Variants in ARFGAP1 observed in about 807,000 individuals in gnomAD.
ARFGAP1 encodes ARF GTPase activating protein 1.
A neutral mutation model predicts 54.0 loss-of-function variants in ARFGAP1; 26 were observed. That is an observed-to-expected ratio of 0.48 (90% confidence interval 0.35 to 0.67). The LOEUF (loss-of-function observed/expected upper bound fraction) is 0.67, where lower values mean the gene tolerates loss of function less well. Among genes scored for constraint, ARFGAP1 ranks in the 30% least tolerant of loss-of-function variants. The pLI is 0.00. For missense variants in ARFGAP1, 525 were observed against 535.8 expected, an observed-to-expected ratio of 0.98 and a Z score of 0.20; for synonymous variants, 248 against 211.9, an observed-to-expected ratio of 1.17 and a Z score of -1.48.
chr20:63,282,133 A>T (rs2067400350), intron 8 of ARFGAP1, among the ~76,000 whole-genome samples: 1 of 151,760 alleles, frequency 6.6e-6, no homozygotes, highest in African/African-American at 2.4e-5. Flanking sequence ...CCCTGTGGTC[A>T]CTCTGGCCCC....
At chr20:63,283,801 C>G in intron 9 of ARFGAP1, 1 of 1,607,826 alleles carries the variant, frequency 6.2e-7, no homozygotes, top group Middle Eastern at 1.7e-4. Flanking sequence ...TTACTAATGC[C>G]GCCCCTCACC....
Position 63,281,240 on chromosome 20 carries a change from G to A in ARFGAP1, c.628-51G>A, listed in dbSNP as rs6011718. On this transcript the variant is annotated intron_variant, in intron 7 of 12. Transcript: ENST00000370283. ...TTGCTGAGATACTCTGCTCAGCGCC[G>A]GGTTCCTGGGTCCCAGTCCTGATGT... 253 of 1,553,122 alleles carry A rather than the reference G, an allele frequency of 1.6e-4. 2 individuals carry two copies. The African/African-American group carries it at 1.7e-3, about 10-fold the overall frequency.
chr20:63,282,719 A>G (rs2067416619), intron 8 of ARFGAP1, 100 bp from the exon 9 acceptor site: 19 of 1,297,830 alleles, frequency 1.5e-5, no homozygotes, highest in Non-Finnish European at 1.9e-5. Flanking sequence ...CCCGGGGGCC[A>G]TTGAGAGACA....
chr20:63,277,029 G>C (rs956351306), intron 4 of ARFGAP1, among the ~76,000 whole-genome samples, 176 bp from the exon 5 acceptor site: 2 of 152,180 alleles, frequency 1.3e-5, no homozygotes, highest in Non-Finnish European at 2.9e-5. Context: ...AGTGAGTCCT[G>C]GCCTCGCATC....
intron 12 of ARFGAP1, among the ~76,000 whole-genome samples, chr20:63,287,207 C>T (rs554416045): frequency 6.6e-4 from 100 of 152,406 alleles, no homozygotes; most frequent in African/African-American, 2.3e-3. Flanking sequence ...TAGCTGAGGG[C>T]GTCGCTCGGG....
chr20:63,286,415 C>G lies in ARFGAP1; in HGVS notation c.884C>G (p.Ser295Trp). Residue 295 changes from serine (S) to tryptophan (W), a missense_variant, in exon 12 of 13, where the codon TCG (serine) becomes TGG (tryptophan). By Grantham distance (177) the Ser-to-Trp change is radical (BLOSUM62 -3). This residue lies in a region of ARFGAP1 where 466 missense variants were observed against 453.6 expected (regional missense o/e 1.03). Transcript: ENST00000370283. ...TGGCGGGACGTCACCACCTTTTTTT[C>G]GGGGAAAGCAGAGGGCCCCTTGGAC... is the stretch of plus-strand genomic sequence containing the variant. ...KGWRDVTTFF[S>W]GKAEGPLDSP... 1 of 1,613,444 alleles carries G rather than the reference C, an allele frequency of 6.2e-7. No homozygotes were observed. Among genetic ancestry groups the G allele is most frequent in the Non-Finnish European group, 8.5e-7 (1 of 1,179,966 alleles).
chr20:63,283,554 A>T (rs535918584), intron 9 of ARFGAP1: 1 of 440,264 alleles, frequency 2.3e-6, no homozygotes, highest in Admixed American at 4.1e-5. Context: ...CGTGGCCCAT[A>T]TCACCCCTTC....
rs2067611134 is a variant in ARFGAP1, at chr20:63,288,014, G to A, written c.*141G>A. On this transcript the variant is annotated 3_prime_UTR_variant, in exon 13 of 13. Transcript: ENST00000370283. ...GCGTCTCGGGAGGCAGGACCCTAGG[G>A]AGACCCGGGTGTGCGCCGCCTGCGC... 5.7e-6 allele frequency: 6 copies of A among 1,052,768 alleles called. No individual in the cohort carries two copies. The highest frequency in any genetic ancestry group is 2.6e-5 in the East Asian group (1 of 38,266). 65.2% of individuals were successfully genotyped at this position (1,052,768 alleles called of 1,614,324 possible). A position where few individuals can be genotyped will look rare whatever the true frequency, so the allele number is the denominator to read the frequency against.
chr20:63,278,064 A>G, intron 5 of ARFGAP1, 53 bp from the exon 6 acceptor site: 1 of 1,549,364 alleles, frequency 6.5e-7, no homozygotes, highest in Non-Finnish European at 8.9e-7. Context: ...TTCTGGGGTT[A>G]CCTCAGACTT....
At chr20:63,277,034 C>T (rs557698000) in intron 4 of ARFGAP1, among the ~76,000 whole-genome samples, 171 bp from the exon 5 acceptor site, 1 of 152,284 alleles carries the variant, frequency 6.6e-6, no homozygotes, top group African/African-American at 2.4e-5. Context: ...GTCCTGGCCT[C>T]GCATCCACAC....
intron 1 of ARFGAP1, chr20:63,273,905 G>A (rs576451168): frequency 6.6e-6 from 1 of 152,366 alleles, no homozygotes; most frequent in South Asian, 2.1e-4. Flanking sequence ...TGGCTGCTGT[G>A]ACAAGAATGT....
At chr20:63,286,075 A>G (rs1297178895) in intron 11 of ARFGAP1, 1 of 1,549,820 alleles carries the variant, frequency 6.5e-7, no homozygotes, top group Non-Finnish European at 8.7e-7. Flanking sequence ...CGCTCTGCGG[A>G]CAGACGGGGA....
chr20:63,287,602 A>AGT lies in ARFGAP1; in HGVS notation c.950_951insGT (p.Asp317GlufsTer9). 1.9e-6 allele frequency: 3 copies of AGT among 1,610,334 alleles called. No individual in the cohort carries two copies. ...CACAGTTATCAGAACAGCGGTCTGG[A>AGT]CCACTTCCAAAACAGCAACATAGAC... On this transcript the variant is annotated frameshift_variant, in exon 13 of 13. Coordinates refer to ENST00000370283, the MANE Select transcript of ARFGAP1 (RefSeq NM_018209.4). LOFTEE classifies it low-confidence loss of function (END_TRUNC).
intron 5 of ARFGAP1, 92 bp downstream of exon 5, chr20:63,277,397 G>C: frequency 9.1e-7 from 1 of 1,104,234 alleles, no homozygotes; most frequent in Non-Finnish European, 1.2e-6. Context: ...CTTCTTTGCT[G>C]TTGTGACAGC....
At chr20:63,283,623 T>G in intron 9 of ARFGAP1, 1 of 479,276 alleles carries the variant, frequency 2.1e-6, no homozygotes, top group Non-Finnish European at 3.7e-6. Context: ...CCATCTGGCT[T>G]TTTCGTGGGC....
rs143542168 is a variant in ARFGAP1, at chr20:63,278,153, G to A, written c.480G>A (p.Ser160=). ...SGQPQSVTAS[S]DKAFEDWLND... is the part of the protein sequence containing the mutation. ...AGCCGCAGAGTGTGACCGCCTCCTC[G>A]GACAAGGCTTTTGAAGACTGGCTGA... The change falls in exon 6 of 13, where the codon TCG becomes TCA. Residue 160 remains serine, a synonymous_variant. Coordinates refer to ENST00000370283, the MANE Select transcript of ARFGAP1 (RefSeq NM_018209.4). The A allele has an allele frequency of 2.5e-4, 398 of 1,613,744 alleles. 1 individual carries two copies. In the African/African-American group the frequency reaches 4.6e-3, roughly 19 times the overall value.
At chr20:63,286,826 T>G in intron 12 of ARFGAP1, 1 of 232,612 alleles carries the variant, frequency 4.3e-6, no homozygotes, top group Non-Finnish European at 8.5e-6. Context: ...GCTGTTCCTC[T>G]GTCTCCCAGA....
At chr20:63,287,444 C>G (rs4809282) in intron 12 of ARFGAP1, 120 bp from the exon 13 acceptor site, 58,672 of 916,916 alleles carry the variant, frequency 0.064, 2,276 homozygotes, top group Middle Eastern at 0.077. Context: ...CTGCTGTGGA[C>G]CCTGAGCGCT....
rs760447667 is a variant in ARFGAP1 at position 63,276,227 on chromosome 20, C to T, written c.170+27C>T. On this transcript the variant is annotated intron_variant, in intron 3 of 12. Transcript: ENST00000370283. This position sits in a 1 kb window ranked among gnomAD's most constrained non-coding sequence, Gnocchi z 5.2. ...TCAGTGTCCTGCCGCTCTGGCTCTG[C>T]GGAGAGCCTGCGGCCACCCCAGCAT... 10 of 1,610,146 alleles carry T rather than the reference C, an allele frequency of 6.2e-6. No homozygotes were observed. The highest frequency in any genetic ancestry group is 4.5e-5 in the East Asian group (2 of 44,858).
Sources: allele counts gnomAD v4.1 joint callset (sites outside exome capture counted in the v4.1 genomes callset), GRCh38; gene constraint gnomAD v4.1.1; regional missense constraint gnomAD v4.1.1; non-coding constraint Gnocchi (gnomAD v3.1); transcripts MANE v1.5; gene names NCBI Gene and HGNC (gene_info 2026-07-23, HGNC 2026-07-21).